The following KANK1 variants were observed in gnomAD, a reference collection of about 807,000 sequenced individuals.
The protein encoded by KANK1 is KN motif and ankyrin repeat domains 1.
A neutral mutation model predicts 106.2 loss-of-function variants in KANK1; 109 were observed. The ratio of observed to expected loss-of-function variants is 1.03; its 90% CI spans 0.88 to 1.20. The LOEUF is 1.20. Among genes scored for constraint, KANK1 ranks in the 50% most tolerant of loss-of-function variants. The probability of loss-of-function intolerance (pLI) is 0.00; values close to 1 mark genes in which losing one functional copy is unlikely to be tolerated. For synonymous variants in KANK1, 873 were observed against 652.2 expected (o/e 1.34, Z -5.16); for missense variants, 2,399 against 1,710.7 (o/e 1.40, Z -7.10).
chr9:561,110 A>C (rs1816300219), intron 1 of KANK1, among the ~76,000 whole-genome samples: 2 of 152,248 alleles, frequency 1.3e-5, no homozygotes, highest in Admixed American at 6.5e-5. Flanking sequence ...TAAATGGACT[A>C]GAAACTATGC....
At position 712,978 on chromosome 9, in the gene KANK1, G is replaced by A. The variant is rs758723190; in HGVS notation, c.2212G>A (p.Val738Ile). 2 of 1,614,230 alleles carry A rather than the reference G, an allele frequency of 1.2e-6. No individual in the cohort carries two copies. The highest frequency in any genetic ancestry group is 1.7e-6 in the Non-Finnish European group (2 of 1,180,040). ...NSSTKTRSIGVGTLLSGHSGF... is the reference protein window; with the variant it reads ...NSSTKTRSIGIGTLLSGHSGF... ...CTCCACCAAGACGCGGTCCATTGGT[G>A]TTGGAACGTTGCTTTCTGGCCATTC... Residue 738 changes from valine (V) to isoleucine (I), a missense_variant, in exon 3 of 12, where the codon GTT (valine) becomes ATT (isoleucine). Coordinates refer to ENST00000382297, the MANE Select transcript of KANK1 (RefSeq NM_015158.5).
intron 1 of KANK1, among the ~76,000 whole-genome samples, chr9:545,960 C>A (rs2133956578): frequency 6.6e-6 from 1 of 152,144 alleles, no homozygotes; most frequent in Non-Finnish European, 1.5e-5. Flanking sequence ...GTTGGCCAGG[C>A]TGGTCTCGAA....
intron 1 of KANK1, among the ~76,000 whole-genome samples, chr9:625,600 A>G (rs1057117842): frequency 6.6e-6 from 1 of 152,140 alleles, no homozygotes; most frequent in African/African-American, 2.4e-5. Context: ...AAAAAACAAC[A>G]TTGAGATCAC....
intron 1 of KANK1, among the ~76,000 whole-genome samples, chr9:620,311 T>C (rs1004498759): frequency 4.6e-5 from 7 of 152,122 alleles, no homozygotes; most frequent in African/African-American, 1.7e-4. Flanking sequence ...CATTAACTCT[T>C]CAACGATCTG....
intron 1 of KANK1, chr9:660,409 A>T (rs537784987): frequency 6.3e-6 from 1 of 159,194 alleles, no homozygotes; most frequent in Non-Finnish European, 1.4e-5. Flanking sequence ...CAAGTTTAAA[A>T]ACCTCACAGC....
rs1159300553 is a variant in KANK1 at position 744,378 on chromosome 9, G to C, written c.3898-113G>C. The C allele has an allele frequency of 1.8e-5, 22 of 1,225,514 alleles. No individual in the cohort carries two copies. The East Asian group carries it at 3.2e-4, about 18-fold the overall frequency. 75.9% of individuals were successfully genotyped at this position (1,225,514 alleles called of 1,614,324 possible). On this transcript the variant is annotated intron_variant, in intron 10 of 11. Transcript: ENST00000382297. The stretch of plus-strand genomic sequence containing the variant: ...AGTTTCCCAGAAGACCGAACGAGTA[G>C]GGATATTTGGGGAACCTTGCCAATT...
In KANK1 at chr9:518,808, G is replaced by C. The variant is rs1390150670; in HGVS notation, c.-84+14054G>C. Among the ~76,000 whole-genome samples the C allele has an allele frequency of 6.6e-5, 10 of 151,778 alleles. No homozygotes were observed. The South Asian group carries it at 2.1e-3, about 31-fold the overall frequency. On this transcript the variant is annotated intron_variant, in intron 1 of 11. Transcript: ENST00000382297. ...GAACTCTGGCAGGAAGTAAAGGGTAGAGGCAGGCTCAGGGACCCAAGTCTT... is the reference window on the plus strand; with the variant it reads ...GAACTCTGGCAGGAAGTAAAGGGTACAGGCAGGCTCAGGGACCCAAGTCTT...
At chr9:708,352 A>G (rs1824893723) in intron 2 of KANK1, among the ~76,000 whole-genome samples, 1 of 152,252 alleles carries the variant, frequency 6.6e-6, no homozygotes, top group Non-Finnish European at 1.5e-5. Flanking sequence ...AAAGGGAAAG[A>G]GAGAAGGACA....
rs762028463 is a variant in KANK1, at chr9:731,227, G to A, written c.2966G>A (p.Gly989Asp). Residue 989 changes from glycine to aspartate, a missense_variant, in exon 5 of 12, where the codon GGC (glycine) becomes GAC (aspartate). Transcript: ENST00000382297. Reference sequence around the variant, plus strand: ...AAAGATGGTAACAAAGATTCAAATGGCGCAAAAAAGAATCTTCAGTTTGTT... The same window carrying A: ...AAAGATGGTAACAAAGATTCAAATGACGCAAAAAAGAATCTTCAGTTTGTT... ...KKKDGNKDSN[G>D]AKKNLQFVGI... is the part of the protein sequence containing the mutation. 5.6e-6 allele frequency: 9 copies of A among 1,610,688 alleles called. No homozygotes were observed. In the South Asian group the frequency reaches 8.8e-5, roughly 16 times the overall value.
chr9:676,790 C>G (rs1322761314), intron 1 of KANK1, 100 bp from the exon 2 acceptor site: 1 of 548,778 alleles, frequency 1.8e-6, no homozygotes, highest in African/African-American at 1.9e-5. Flanking sequence ...TTCCGATTTC[C>G]TTTCTCTGTT....
Position 711,429 on chromosome 9 carries a change from T to C in KANK1, c.663T>C (p.Asp221=). Residue 221 remains aspartate, a synonymous_variant, in exon 3 of 12, where the codon GAT becomes GAC. Transcript: ENST00000382297. The part of the protein sequence containing the change: ...QLQNGYQGNG[D]YGSYAPAAPT... ...AGAATGGATACCAAGGTAATGGGGA[T>C]TATGGTAGCTATGCCCCAGCTGCTC... 6.2e-7 allele frequency: 1 copy of C among 1,614,110 alleles called. No homozygotes were observed. The highest frequency in any genetic ancestry group is 8.5e-7 in the Non-Finnish European group (1 of 1,180,014).
intron 3 of KANK1, among the ~76,000 whole-genome samples, chr9:476,999 G>C (rs1273659552): frequency 6.6e-6 from 1 of 152,102 alleles, no homozygotes; most frequent in Non-Finnish European, 1.5e-5. Flanking sequence ...CTGTTCAATG[G>C]GGATATGAAC....
chr9:481,271 T>C (rs1407940413), intron 3 of KANK1, among the ~76,000 whole-genome samples: 2 of 150,692 alleles, frequency 1.3e-5, no homozygotes, highest in African/African-American at 4.9e-5. Flanking sequence ...TTGGAGACTA[T>C]CTGTATTTAA....
chr9:690,504 G>A (rs1405259894), intron 2 of KANK1, among the ~76,000 whole-genome samples: 1 of 152,062 alleles, frequency 6.6e-6, no homozygotes, highest in African/African-American at 2.4e-5. Context: ...AGGATTAAAT[G>A]AGTTCGTGTA....
chr9:497,308 C>G (rs1291403028), intron 3 of KANK1, among the ~76,000 whole-genome samples: 2 of 152,180 alleles, frequency 1.3e-5, no homozygotes, highest in Non-Finnish European at 2.9e-5. Context: ...TCTCAAGCCT[C>G]CAAGGTTGGC....
chr9:612,301 A>C (rs1830748233), intron 1 of KANK1, among the ~76,000 whole-genome samples: 1 of 152,188 alleles, frequency 6.6e-6, no homozygotes, highest in East Asian at 1.9e-4. Flanking sequence ...TATTGGAGAT[A>C]AGAAAGAGAA....
chr9:513,929 A>C (rs2059143160), intron 1 of KANK1, among the ~76,000 whole-genome samples: 1 of 152,172 alleles, frequency 6.6e-6, no homozygotes, highest in Admixed American at 6.5e-5. Flanking sequence ...TGGCAGGAGA[A>C]TTGCTTGAAC....
At chr9:602,221 T>C (rs558430341) in intron 1 of KANK1, among the ~76,000 whole-genome samples, 2 of 152,020 alleles carry the variant, frequency 1.3e-5, no homozygotes, top group African/African-American at 4.8e-5. Flanking sequence ...TTCCTGAGTT[T>C]CTGACTCTCA....
chr9:630,260 A>G (rs1301975128), intron 1 of KANK1, among the ~76,000 whole-genome samples: 1 of 151,202 alleles, frequency 6.6e-6, no homozygotes. Context: ...AAAAAAGAAA[A>G]AAAACGAGTT....
Sources: allele counts gnomAD v4.1 joint callset (sites outside exome capture counted in the v4.1 genomes callset), GRCh38; gene constraint gnomAD v4.1.1; transcripts MANE v1.5; gene names NCBI Gene and HGNC (gene_info 2026-07-23, HGNC 2026-07-21).